Variants in VPS33B observed in about 807,000 individuals in gnomAD.
The protein encoded by VPS33B is vacuolar protein sorting-associated protein 33B.
VPS33B carries 80 observed loss-of-function variants against 95.3 expected under a neutral mutation model. The ratio of observed to expected loss-of-function variants is 0.84; its 90% CI spans 0.70 to 1.01. The LOEUF is 1.01. Among genes scored for constraint, VPS33B ranks in the 50% least tolerant of loss-of-function variants. VPS33B has a pLI of 0.00. For missense variants in VPS33B, 715 were observed against 773.4 expected, an observed-to-expected ratio of 0.92 and a Z score of 0.90; for synonymous variants, 280 against 280.4, an observed-to-expected ratio of 1.00 and a Z score of 0.01.
At position 90,999,683 on chromosome 15, in the gene VPS33B, C is replaced by T. The variant is rs775019015; in HGVS notation, c.1768G>A (p.Glu590Lys). 2.5e-6 allele frequency: 4 copies of T among 1,614,040 alleles called. No homozygotes were observed. The African/African-American group carries it at 4.0e-5, about 16-fold the overall frequency. The change falls in exon 22 of 23, where the codon GAG becomes AAG. Residue 590 changes from glutamate (E) to lysine (K), a missense_variant. Coordinates refer to ENST00000333371, the MANE Select transcript of VPS33B (RefSeq NM_018668.5). The surrounding 1 kb of genome is among the most constrained non-coding windows in gnomAD (Gnocchi z 5.1). ...CCTTTCTGCTCTCTCTTACCTTTCT[C>T]TCTGCCCAGGAACCGGAGGGCTGAG... is the stretch of plus-strand genomic sequence containing the variant. ...EISALRFLGREKGYRFIFLTT... is the reference protein window; with the variant it reads ...EISALRFLGRKKGYRFIFLTT...
chr15:91,017,402 A>G lies in VPS33B; in HGVS notation c.178-378T>C, dbSNP rs1380559208. ...TATATATATATATATATATATATATATATATATATATATATATATATTCTG... is the reference window on the plus strand; with the variant it reads ...TATATATATATATATATATATATATGTATATATATATATATATATATTCTG... On this transcript the variant is annotated intron_variant, in intron 2 of 22. Coordinates refer to ENST00000333371, the MANE Select transcript of VPS33B (RefSeq NM_018668.5). Among the ~76,000 whole-genome samples the G allele has an allele frequency of 3.8e-5, 4 of 103,924 alleles. 1 individual carries two copies. Among genetic ancestry groups the G allele is most frequent in the African/African-American group, 1.5e-4 (4 of 25,932 alleles). 68.2% of individuals were successfully genotyped at this position (103,924 alleles called of 152,430 possible). A position where few individuals can be genotyped will look rare whatever the true frequency, so the allele number is the denominator to read the frequency against.
rs772845390 is a variant in VPS33B at position 90,999,698 on chromosome 15, G to A, written c.1753C>T (p.Arg585Trp). 9 of 1,613,928 alleles carry A rather than the reference G, an allele frequency of 5.6e-6. No individual in the cohort carries two copies. Among genetic ancestry groups the A allele is most frequent in the Admixed American group, 1.7e-5 (1 of 59,966 alleles). Residue 585 changes from arginine (R) to tryptophan (W), a missense_variant, in exon 22 of 23, where the codon CGG becomes TGG. By Grantham distance (101) the Arg-to-Trp change is moderately radical (BLOSUM62 -3). Coordinates refer to ENST00000333371, the MANE Select transcript of VPS33B (RefSeq NM_018668.5). This position sits in a 1 kb window ranked among gnomAD's most constrained non-coding sequence, Gnocchi z 5.1. ...GCTFSEISALRFLGREKGYRF... is the reference protein window; with the variant it reads ...GCTFSEISALWFLGREKGYRF... ...TTACCTTTCTCTCTGCCCAGGAACC[G>A]GAGGGCTGAGATCTCAGAGAATGTA...
In VPS33B at chr15:91,013,681, G is replaced by A; in HGVS notation, c.357+123C>T. ...GTTCATTATAAATTACCTAGTCTCA[G>A]GTATTCTGTTACAGCAACAGAAAAC... On this transcript the variant is annotated intron_variant, in intron 5 of 22. Transcript: ENST00000333371. This position sits in a 1 kb window ranked among gnomAD's most constrained non-coding sequence, Gnocchi z 4.5. The A allele has an allele frequency of 1.0e-6, 1 of 985,452 alleles. No homozygotes were observed. Among genetic ancestry groups the A allele is most frequent in the Non-Finnish European group, 1.6e-6 (1 of 616,518 alleles). 61.0% of individuals were successfully genotyped at this position (985,452 alleles called of 1,614,324 possible).
intron 1 of VPS33B, among the ~76,000 whole-genome samples, chr15:91,021,563 C>CA (rs1228064156): frequency 6.6e-6 from 1 of 152,160 alleles, no homozygotes; most frequent in Non-Finnish European, 1.5e-5. Context: ...TCTCATGCCA[C>CA]AAATGGAAAA....
In VPS33B at chr15:91,005,537, T is replaced by C; in HGVS notation, c.1031-83A>G. 5.0e-6 allele frequency: 8 copies of C among 1,604,214 alleles called. No homozygotes were observed. The highest frequency in any genetic ancestry group is 6.8e-6 in the Non-Finnish European group (8 of 1,171,258). The stretch of plus-strand genomic sequence containing the variant: ...TTGTCCGGAAGAATAAAAAACCTCC[T>C]AAGGCAAAATCCGAAAGCACTTCTT... On this transcript the variant is annotated intron_variant, in intron 13 of 22. Coordinates refer to ENST00000333371, the MANE Select transcript of VPS33B (RefSeq NM_018668.5). This position sits in a 1 kb window ranked among gnomAD's most constrained non-coding sequence, Gnocchi z 6.4.
In VPS33B at chr15:91,010,279, G is replaced by C. The variant is rs966144558; in HGVS notation, c.358-433C>G. On this transcript the variant is annotated intron_variant, in intron 5 of 22. Transcript: ENST00000333371. The surrounding 1 kb of genome is among the most constrained non-coding windows in gnomAD (Gnocchi z 5.7). The stretch of plus-strand genomic sequence containing the variant: ...TTGGGAGACACAGACAAGGACTTGG[G>C]ATTAAGTAGCATATATGCTGTATTT... Among the ~76,000 whole-genome samples, 5 of 152,156 alleles carry C rather than the reference G, an allele frequency of 3.3e-5. No individual in the cohort carries two copies. Among genetic ancestry groups the C allele is most frequent in the Non-Finnish European group, 7.4e-5 (5 of 68,026 alleles).
chr15:91,010,408 C>T lies in VPS33B; in HGVS notation c.358-562G>A, dbSNP rs960386525. Among the ~76,000 whole-genome samples the T allele has an allele frequency of 6.6e-6, 1 of 152,160 alleles. No homozygotes were observed. Among genetic ancestry groups the T allele is most frequent in the African/African-American group, 2.4e-5 (1 of 41,426 alleles). On this transcript the variant is annotated intron_variant, in intron 5 of 22. Transcript: ENST00000333371. This position sits in a 1 kb window ranked among gnomAD's most constrained non-coding sequence, Gnocchi z 5.7. ...TTGAGCCCAGAAGTTCTAGACCAGTCTGGGCAACATAGTGACACCCCATCT... is the reference window on the plus strand; with the variant it reads ...TTGAGCCCAGAAGTTCTAGACCAGTTTGGGCAACATAGTGACACCCCATCT...
rs901876395 is a variant in VPS33B at position 91,022,285 on chromosome 15, C to T, written c.-36G>A. On this transcript the variant is annotated 5_prime_UTR_variant, in exon 1 of 23. Transcript: ENST00000333371. Reference sequence around the variant, plus strand: ...ACCTGCGCCGCGGGGTGGAAGGACGCCCTTCGTTCTGAGAAGGCCGGCCGC... The same window carrying T: ...ACCTGCGCCGCGGGGTGGAAGGACGTCCTTCGTTCTGAGAAGGCCGGCCGC... 8 of 1,522,000 alleles carry T rather than the reference C, an allele frequency of 5.3e-6. No individual in the cohort carries two copies. The highest frequency in any genetic ancestry group is 6.2e-6 in the Non-Finnish European group (7 of 1,127,020). 94.3% of individuals were successfully genotyped at this position (1,522,000 alleles called of 1,614,324 possible).
chr15:91,005,645 C>G lies in VPS33B; in HGVS notation c.1030+49G>C. 6.2e-7 allele frequency: 1 copy of G among 1,609,762 alleles called. No homozygotes were observed. Among genetic ancestry groups the G allele is most frequent in the Non-Finnish European group, 8.5e-7 (1 of 1,176,040 alleles). ...GAGTAATGGTCCTCTGGAGCTTTCC[C>G]CAGAGGGACACAGTCACTTCCCCTC... On this transcript the variant is annotated intron_variant, in intron 13 of 22. Transcript: ENST00000333371. This position sits in a 1 kb window ranked among gnomAD's most constrained non-coding sequence, Gnocchi z 6.4.
In VPS33B at chr15:91,013,299, G is replaced by A. The variant is rs1175783653; in HGVS notation, c.357+505C>T. ...GAGGATATGTTAATGAATTGAGGAT[G>A]CGTTAGTGACAGGTATTAGGTTCAA... On this transcript the variant is annotated intron_variant, in intron 5 of 22. Coordinates refer to ENST00000333371, the MANE Select transcript of VPS33B (RefSeq NM_018668.5). This position sits in a 1 kb window ranked among gnomAD's most constrained non-coding sequence, Gnocchi z 4.5. Among the ~76,000 whole-genome samples, 1 of 152,214 alleles carries A rather than the reference G, an allele frequency of 6.6e-6. No homozygotes were observed. Among genetic ancestry groups the A allele is most frequent in the Non-Finnish European group, 1.5e-5 (1 of 68,036 alleles).
intron 16 of VPS33B, among the ~76,000 whole-genome samples, chr15:91,003,732 C>A (rs1300687535): frequency 6.6e-6 from 1 of 152,178 alleles, no homozygotes; most frequent in Non-Finnish European, 1.5e-5. Flanking sequence ...GCCACCGCAC[C>A]TGGCAGACTC....
chr15:91,003,798 G>T (rs2040515198), intron 16 of VPS33B, among the ~76,000 whole-genome samples: 1 of 152,200 alleles, frequency 6.6e-6, no homozygotes, highest in Non-Finnish European at 1.5e-5. Context: ...CACAACTATT[G>T]AGAAATAGGA....
At chr15:91,019,613 G>T (rs1190920354) in intron 1 of VPS33B, among the ~76,000 whole-genome samples, 2 of 152,026 alleles carry the variant, frequency 1.3e-5, no homozygotes, top group African/African-American at 4.8e-5. Flanking sequence ...TAAAGCTTTT[G>T]TGTATTGAAG....
chr15:91,021,577 A>AT (rs565235177), intron 1 of VPS33B, among the ~76,000 whole-genome samples: 1 of 152,070 alleles, frequency 6.6e-6, no homozygotes. Context: ...TGGAAAAAAA[A>AT]TTTTTTTCAG....
chr15:91,004,399 G>A (rs1297037533), intron 16 of VPS33B, among the ~76,000 whole-genome samples: 1 of 152,030 alleles, frequency 6.6e-6, no homozygotes, highest in African/African-American at 2.4e-5. Context: ...AGCTACTCAG[G>A]AGGCTGAGGC....
In VPS33B at chr15:91,002,634, T is replaced by TAAAAAAAAAAAAAAAAA; in HGVS notation, c.1272+434_1272+450dup. On this transcript the variant is annotated intron_variant, in intron 17 of 22. Transcript: ENST00000333371. This position sits in a 1 kb window ranked among gnomAD's most constrained non-coding sequence, Gnocchi z 4.7. ...AACAGAGCGAGACATCGTCTCGAAA[T>TAAAAAAAAAAAAAAAAA]AAAAAAAAAAAAAAAAAGAAAAGAA... 1.1e-5 allele frequency among the ~76,000 whole-genome samples: 1 copy of TAAAAAAAAAAAAAAAAA among 88,768 alleles called. No homozygotes were observed. The allele number at this position is 88,768 out of a possible 152,430, so 58.2% of individuals were successfully genotyped here.
rs1567216837 is a variant in VPS33B, at chr15:90,999,017, G to A, written c.1812C>T (p.Asn604=). Residue 604 remains asparagine (N), a synonymous_variant, in exon 23 of 23, where the codon AAC becomes AAT. Transcript: ENST00000333371. The surrounding 1 kb of genome is among the most constrained non-coding windows in gnomAD (Gnocchi z 5.1). The part of the protein sequence containing the change: ...RFIFLTTAVT[N]SARLMEAMSE... ...TCATGGCCTCCATAAGGCGAGCGCT[G>A]TTTGTGACTGCTGTCGTCAGGAAAA... is the stretch of plus-strand genomic sequence containing the variant. The A allele has an allele frequency of 1.9e-6, 3 of 1,614,198 alleles. No individual in the cohort carries two copies. In the South Asian group the frequency reaches 3.3e-5, roughly 18 times the overall value.
At chr15:91,008,045 G>C in intron 6 of VPS33B, 81 bp from the exon 7 acceptor site, 1 of 1,312,276 alleles carries the variant, frequency 7.6e-7, no homozygotes. Flanking sequence ...ACAAATATTT[G>C]AGTGCGTGCA....
Position 91,016,977 on chromosome 15 carries a change from G to A in VPS33B, c.225C>T (p.Leu75=). The part of the protein sequence containing the change: ...KLYKVENKPA[L]SSNEQLCFLV... ...CAGACACTCACTGTTCATTGGAGCTGAGGGCTGGCTTGTTCTCCACCTTGT... is the reference window on the plus strand; with the variant it reads ...CAGACACTCACTGTTCATTGGAGCTAAGGGCTGGCTTGTTCTCCACCTTGT... Residue 75 remains leucine (L), a synonymous_variant, in exon 3 of 23, where the codon CTC becomes CTT. Transcript: ENST00000333371. 6.2e-7 allele frequency: 1 copy of A among 1,614,082 alleles called. No homozygotes were observed. The highest frequency in any genetic ancestry group is 2.2e-5 in the East Asian group (1 of 44,860).
Sources: allele counts gnomAD v4.1 joint callset (sites outside exome capture counted in the v4.1 genomes callset), GRCh38; gene constraint gnomAD v4.1.1; non-coding constraint Gnocchi (gnomAD v3.1); transcripts MANE v1.5; gene names NCBI Gene and HGNC (gene_info 2026-07-23, HGNC 2026-07-21).